The following RNF146 variants were observed in gnomAD, a reference collection of about 807,000 sequenced individuals.
RNF146 encodes ring finger protein 146.
A neutral mutation model predicts 29.7 loss-of-function variants in RNF146; 11 were observed. The observed-to-expected ratio is 0.37, with a 90% CI of 0.23 to 0.61. The LOEUF is 0.61. Ranked by LOEUF, RNF146 falls within the 20% of genes least tolerant of loss-of-function variation. The pLI, the probability that RNF146 is intolerant of heterozygous loss-of-function variation, is 0.66. For synonymous variants in RNF146, 150 were observed against 159.7 expected (o/e 0.94, Z 0.46); for missense variants, 342 against 438.9 (o/e 0.78, Z 1.97).
intron 1 of RNF146, among the ~76,000 whole-genome samples, chr6:127,267,739 AG>A (rs1776867446): frequency 6.6e-6 from 1 of 152,180 alleles, no homozygotes; most frequent in Non-Finnish European, 1.5e-5. Flanking sequence ...AAGAGATCTC[AG>A]AATATCCCTT....
chr6:127,280,187 TA>T, intron 1 of RNF146, 43 bp from the exon 2 acceptor site: 2 of 715,520 alleles, frequency 2.8e-6, no homozygotes, highest in Non-Finnish European at 4.6e-6. Context: ...TATACATAAT[TA>T]ACTGATTCTC....
At chr6:127,281,130 A>G (rs930694627) in intron 2 of RNF146, among the ~76,000 whole-genome samples, 2 of 151,672 alleles carry the variant, frequency 1.3e-5, no homozygotes, top group African/African-American at 4.8e-5. Context: ...CTCTTCCAGT[A>G]TGATACTGGT....
intron 2 of RNF146, chr6:127,285,317 C>T: frequency 1.0e-6 from 1 of 984,818 alleles, no homozygotes; most frequent in Non-Finnish European, 1.2e-6. Flanking sequence ...TGATGATAGC[C>T]TAGGATTATT....
chr6:127,285,936 C>A, intron 2 of RNF146: 1 of 682,686 alleles, frequency 1.5e-6, no homozygotes. Context: ...TGGAACATGG[C>A]AGGTGTTTAG....
upstream of RNF146, chr6:127,266,848 C>T (rs1267862927): frequency 6.6e-6 from 1 of 151,758 alleles, no homozygotes; most frequent in Non-Finnish European, 1.5e-5. Flanking sequence ...ACGTGACGGC[C>T]GCGCGCGTTC....
At chr6:127,280,607 C>G in intron 2 of RNF146, 2 of 1,123,792 alleles carry the variant, frequency 1.8e-6, no homozygotes, top group Non-Finnish European at 2.2e-6. Context: ...ATCTCCAGGT[C>G]CTCTGGGTTC....
At chr6:127,277,140 T>C (rs948429396) in intron 1 of RNF146, among the ~76,000 whole-genome samples, 2 of 151,958 alleles carry the variant, frequency 1.3e-5, no homozygotes, top group African/African-American at 4.8e-5. Context: ...TTACAGGTGG[T>C]GAGAGAGCAG....
At chr6:127,282,131 A>G (rs1778992357) in intron 2 of RNF146, among the ~76,000 whole-genome samples, 1 of 151,678 alleles carries the variant, frequency 6.6e-6, no homozygotes, top group East Asian at 1.9e-4. Flanking sequence ...ACAAAAGTGA[A>G]TTGTATGGTG....
chr6:127,275,641 A>G (rs1778100786), intron 1 of RNF146, among the ~76,000 whole-genome samples: 1 of 152,160 alleles, frequency 6.6e-6, no homozygotes, highest in Non-Finnish European at 1.5e-5. Context: ...AAATTCCGTA[A>G]TAGAAAAACA....
chr6:127,275,272 T>TA (rs1778043240), intron 1 of RNF146, among the ~76,000 whole-genome samples: 1 of 152,164 alleles, frequency 6.6e-6, no homozygotes, highest in Non-Finnish European at 1.5e-5. Context: ...TGCCAAAAGA[T>TA]ACAAAGATGG....
chr6:127,276,877 G>C (rs901111526), intron 1 of RNF146, among the ~76,000 whole-genome samples: 1 of 152,086 alleles, frequency 6.6e-6, no homozygotes, highest in African/African-American at 2.4e-5. Flanking sequence ...TAAAGCATGA[G>C]TACCACCTGG....
chr6:127,287,680 T>G lies in RNF146; in HGVS notation c.1067T>G (p.Val356Gly), dbSNP rs537855606. 8.3e-6 allele frequency: 13 copies of G among 1,560,242 alleles called. No individual in the cohort carries two copies. Among genetic ancestry groups the G allele is most frequent in the Middle Eastern group, 1.7e-4 (1 of 5,784 alleles). Residue 356 changes from valine to glycine, a missense_variant, in exon 3 of 3, where the codon GTA (valine) becomes GGA (glycine). Around this residue, in one of 6 missense-constraint regions of RNF146, gnomAD observed 196 missense variants for 208.9 expected, o/e 0.94. Transcript: ENST00000368314. The stretch of plus-strand genomic sequence containing the variant: ...AGAAGGCCTGATGGACAGTGCACAG[T>G]AACTGAAGTTTAAATAAAAATGTCT... ...RSRRPDGQCT[V>G]TEV
intron 1 of RNF146, among the ~76,000 whole-genome samples, chr6:127,278,955 C>T (rs1215092964): frequency 6.6e-6 from 1 of 151,818 alleles, no homozygotes; most frequent in African/African-American, 2.4e-5. Context: ...GTTCTTTACT[C>T]ATTTTTTGCT....
At chr6:127,283,802 G>A (rs1410937055) in intron 2 of RNF146, among the ~76,000 whole-genome samples, 1 of 151,782 alleles carries the variant, frequency 6.6e-6, no homozygotes, top group African/African-American at 2.4e-5. Context: ...GAGTGCTTCA[G>A]ATGAAATAAT....
At chr6:127,282,520 T>C (rs963792537) in intron 2 of RNF146, 1 of 151,752 alleles carries the variant, frequency 6.6e-6, no homozygotes, top group African/African-American at 2.4e-5. Context: ...GACAGAACTC[T>C]CCTCAAATTC....
chr6:127,281,714 A>G (rs1018738735), intron 2 of RNF146, among the ~76,000 whole-genome samples: 6 of 151,790 alleles, frequency 4.0e-5, no homozygotes, highest in South Asian at 2.1e-4. Flanking sequence ...AGTACTTACT[A>G]TATTACCAGA....
intron 1 of RNF146, among the ~76,000 whole-genome samples, chr6:127,269,162 G>A (rs1777086230): frequency 6.6e-6 from 1 of 152,194 alleles, no homozygotes; most frequent in Non-Finnish European, 1.5e-5. Context: ...ACAACCACCT[G>A]TGCTTACTTA....
At chr6:127,273,365 A>G (rs1175730070) in intron 1 of RNF146, among the ~76,000 whole-genome samples, 2 of 152,180 alleles carry the variant, frequency 1.3e-5, no homozygotes, top group Non-Finnish European at 2.9e-5. Flanking sequence ...AAGTGGCACC[A>G]TATGTGTCTG....
At chr6:127,270,731 G>A (rs1157230406) in intron 1 of RNF146, among the ~76,000 whole-genome samples, 2 of 151,414 alleles carry the variant, frequency 1.3e-5, no homozygotes, top group East Asian at 1.9e-4. Context: ...CAAAACCAAT[G>A]TTTCTTTCTC....
Sources: allele counts gnomAD v4.1 joint callset (sites outside exome capture counted in the v4.1 genomes callset), GRCh38; gene constraint gnomAD v4.1.1; regional missense constraint gnomAD v4.1.1; transcripts MANE v1.5; gene names NCBI Gene and HGNC (gene_info 2026-07-23, HGNC 2026-07-21).